NPHP1: variants seen among roughly 807,000 people sequenced by gnomAD.
NPHP1 encodes nephrocystin-1.
NPHP1 carries 70 observed loss-of-function variants against 90.4 expected under a neutral mutation model. The observed-to-expected ratio is 0.77, with a 90% CI of 0.64 to 0.95. The LOEUF is 0.95. Ranked by LOEUF, NPHP1 falls within the 40% of genes least tolerant of loss-of-function variation. NPHP1 has a pLI of 0.00. For synonymous variants in NPHP1, 256 were observed against 271.7 expected (o/e 0.94, Z 0.57); for missense variants, 764 against 795.9 (o/e 0.96, Z 0.48).
intron 4 of NPHP1, among the ~76,000 whole-genome samples, chr2:110,170,749 G>A (rs1233708050): frequency 2.0e-5 from 3 of 152,076 alleles, no homozygotes; most frequent in African/African-American, 4.8e-5. Context: ...CAGGTTGCAC[G>A]AATGGGAATC....
intron 9 of NPHP1, 55 bp downstream of exon 9, chr2:110,162,993 C>T (rs760133670): frequency 4.2e-6 from 5 of 1,200,370 alleles, no homozygotes; most frequent in East Asian, 2.3e-5. Context: ...AAAAATTAGA[C>T]GTGGATCTTG....
intron 17 of NPHP1, among the ~76,000 whole-genome samples, chr2:110,129,949 T>C (rs1019494106): frequency 2.0e-5 from 3 of 152,164 alleles, no homozygotes; most frequent in African/African-American, 7.2e-5. Context: ...AATAAAATTA[T>C]TTCTCCAAGT....
chr2:110,177,419 G>C (rs1683577661), intron 4 of NPHP1, among the ~76,000 whole-genome samples: 1 of 152,036 alleles, frequency 6.6e-6, no homozygotes, highest in African/African-American at 2.4e-5. Flanking sequence ...AATTGGGTTT[G>C]TTCGTACAGG....
At chr2:110,183,957 A>C in intron 2 of NPHP1, 1 of 337,590 alleles carries the variant, frequency 3.0e-6, no homozygotes, top group Admixed American at 3.8e-5. Flanking sequence ...CAAACAGACC[A>C]AAATGCAATC....
chr2:110,130,713 T>G (rs1426843858), intron 17 of NPHP1, among the ~76,000 whole-genome samples: 1 of 152,182 alleles, frequency 6.6e-6, no homozygotes, highest in Non-Finnish European at 1.5e-5. Flanking sequence ...CTTCTTTCCT[T>G]GGGTCTTCAG....
chr2:110,162,820 G>T (rs1682440739), intron 9 of NPHP1, among the ~76,000 whole-genome samples: 2 of 151,860 alleles, frequency 1.3e-5, no homozygotes. Context: ...TCACATTTTT[G>T]AAAAAAAGAA....
At chr2:110,198,137 G>A (rs923202422) in intron 2 of NPHP1, among the ~76,000 whole-genome samples, 7 of 152,010 alleles carry the variant, frequency 4.6e-5, no homozygotes, top group Non-Finnish European at 8.8e-5. Context: ...CTGCTCCATG[G>A]AAAAAGGCTG....
At chr2:110,198,003 T>C (rs1685285526) in intron 2 of NPHP1, among the ~76,000 whole-genome samples, 2 of 152,106 alleles carry the variant, frequency 1.3e-5, no homozygotes, top group Non-Finnish European at 2.9e-5. Flanking sequence ...TAAGCACACA[T>C]TCATCTTCAC....
At chr2:110,125,859 T>C in intron 18 of NPHP1, 178 bp from the exon 19 acceptor site, 1 of 643,786 alleles carries the variant, frequency 1.6e-6, no homozygotes, top group Non-Finnish European at 2.8e-6. Flanking sequence ...AGCACCAGAA[T>C]GACCAGGCAG....
intron 16 of NPHP1, among the ~76,000 whole-genome samples, chr2:110,134,388 C>A (rs1310995733): frequency 6.6e-6 from 1 of 151,972 alleles, no homozygotes; most frequent in East Asian, 1.9e-4. Flanking sequence ...CAGATGGCTT[C>A]ACTGGAGAAT....
intron 12 of NPHP1, 137 bp from the exon 13 acceptor site, chr2:110,148,163 G>A (rs1050345683): frequency 1.1e-5 from 8 of 710,826 alleles, no homozygotes; most frequent in South Asian, 6.2e-5. Flanking sequence ...CTGGTGGGAG[G>A]TGTTTGGGTC....
At chr2:110,163,240 C>A in intron 8 of NPHP1, 105 bp from the exon 9 acceptor site, 1 of 812,600 alleles carries the variant, frequency 1.2e-6, no homozygotes, top group Non-Finnish European at 2.1e-6. Context: ...AAAATATAAA[C>A]ATACAGACTT....
intron 13 of NPHP1, 64 bp from the exon 14 acceptor site, chr2:110,146,899 C>G: frequency 8.5e-7 from 1 of 1,174,492 alleles, no homozygotes; most frequent in East Asian, 2.3e-5. Flanking sequence ...AAGCACATAC[C>G]AAGTCCTTTT....
chr2:110,148,166 T>C (rs1509416), intron 12 of NPHP1, 140 bp from the exon 13 acceptor site: 2 of 702,276 alleles, frequency 2.8e-6, no homozygotes, highest in African/African-American at 3.5e-5. Context: ...GTGGGAGGTG[T>C]TTGGGTCATG....
intron 2 of NPHP1, chr2:110,185,058 G>C: frequency 5.0e-6 from 3 of 598,672 alleles, no homozygotes; most frequent in South Asian, 1.4e-5. Flanking sequence ...CCTCAGGAGA[G>C]ACTGTATTCC....
chr2:110,198,193 A>T (rs1310126205), intron 2 of NPHP1, among the ~76,000 whole-genome samples: 1 of 152,146 alleles, frequency 6.6e-6, no homozygotes, highest in Non-Finnish European at 1.5e-5. Flanking sequence ...CACAAGCATA[A>T]GAGGGAGATA....
At chr2:110,191,757 C>A (rs916162669) in intron 2 of NPHP1, among the ~76,000 whole-genome samples, 5 of 152,290 alleles carry the variant, frequency 3.3e-5, no homozygotes, top group South Asian at 4.1e-4. Context: ...AGGCACCCCC[C>A]AGTAGGGGCA....
At chr2:110,164,643 T>C (rs752801628) in intron 8 of NPHP1, 45 bp downstream of exon 8, 2 of 1,613,700 alleles carry the variant, frequency 1.2e-6, no homozygotes, top group South Asian at 1.1e-5. Flanking sequence ...TCAGAACTAT[T>C]AGGTAGCAAA....
intron 2 of NPHP1, chr2:110,184,558 T>C (rs1346486642): frequency 1.3e-5 from 17 of 1,316,974 alleles, no homozygotes; most frequent in East Asian, 2.4e-5. Context: ...ACCCATGCTG[T>C]GCCCATCTAT....
Sources: gnomAD v4.1 joint callset for allele counts (sites outside exome capture counted in the v4.1 genomes callset) on GRCh38, gnomAD v4.1.1 for gene constraint, MANE v1.5 for transcripts, NCBI Gene and HGNC (gene_info 2026-07-23, HGNC 2026-07-21) for gene names.